VANGL1: variants seen among roughly 807,000 people sequenced by gnomAD.
VANGL1 encodes the protein VANGL planar cell polarity protein 1, also known as vang-like protein 1.
VANGL1 carries 18 observed loss-of-function variants against 48.4 expected under a neutral mutation model. The ratio of observed to expected loss-of-function variants is 0.37; its 90% CI spans 0.26 to 0.55. VANGL1 has a LOEUF of 0.55. Ranked by LOEUF, VANGL1 falls within the 20% of genes least tolerant of loss-of-function variation. The pLI, the probability that VANGL1 is intolerant of heterozygous loss-of-function variation, is 0.81. For synonymous variants in VANGL1, 257 were observed against 261.8 expected, an observed-to-expected ratio of 0.98 and a Z score of 0.18; for missense variants, 667 against 675.8, an observed-to-expected ratio of 0.99 and a Z score of 0.14.
In VANGL1 at chr1:115,695,310, C is replaced by T. The variant is rs1191604527; in HGVS notation, c.*3931C>T. The T allele has an allele frequency of 6.6e-6, 1 of 152,580 alleles. No individual in the cohort carries two copies. The highest frequency in any genetic ancestry group is 2.1e-4 in the South Asian group (1 of 4,826). The allele number at this position is 152,580 out of a possible 1,614,324, so 9.5% of individuals were successfully genotyped here. ...TAGCATATTTATTTAAATAGTCCTG[C>T]AGCAGAGACCCTGCGATTGTAAAGT... On this transcript the variant is annotated 3_prime_UTR_variant, in exon 8 of 8. Coordinates refer to ENST00000355485, the MANE Select transcript of VANGL1 (RefSeq NM_138959.3).
rs4839469 is a variant in VANGL1 at position 115,663,802 on chromosome 1, G to C, written c.346G>C (p.Ala116Pro). The change falls in exon 4 of 8, where the codon GCC (alanine) becomes CCC (proline). Residue 116 changes from alanine (A) to proline (P), a missense_variant. Transcript: ENST00000355485. The part of the protein sequence containing the change: ...DCKRYLGLTV[A>P]SFLGLLVFLT... ...CAAACGCTACCTGGGCCTCACCGTC[G>C]CCTCTTTTCTTGGACTTCTAGTTTT... 1 of 1,614,092 alleles carries C rather than the reference G, an allele frequency of 6.2e-7. No homozygotes were observed. The highest frequency in any genetic ancestry group is 1.1e-5 in the South Asian group (1 of 91,082).
chr1:115,678,482 C>T (rs1335813915), intron 4 of VANGL1, among the ~76,000 whole-genome samples: 1 of 152,184 alleles, frequency 6.6e-6, no homozygotes, highest in Admixed American at 6.5e-5. Context: ...AACAGCCTCA[C>T]CTATTCACAC....
intron 4 of VANGL1, among the ~76,000 whole-genome samples, chr1:115,680,525 G>A (rs1298213338): frequency 6.6e-6 from 1 of 152,182 alleles, no homozygotes; most frequent in African/African-American, 2.4e-5. Context: ...TGCAAAGTTG[G>A]TCTCACCGGA....
rs1406209364 is a variant in VANGL1 at position 115,694,544 on chromosome 1, T to C, written c.*3165T>C. On this transcript the variant is annotated 3_prime_UTR_variant, in exon 8 of 8. Coordinates refer to ENST00000355485, the MANE Select transcript of VANGL1 (RefSeq NM_138959.3). ...TGCCTCATAATCACTTTCGAGTGCA[T>C]GTATTTACCTAAGGGCTGTAGCTCT... 1.3e-5 allele frequency: 2 copies of C among 152,190 alleles called. No homozygotes were observed. The highest frequency in any genetic ancestry group is 2.9e-5 in the Non-Finnish European group (2 of 68,044). 9.4% of individuals were successfully genotyped at this position (152,190 alleles called of 1,614,324 possible).
At chr1:115,661,708 C>T (rs1652559021) in intron 3 of VANGL1, among the ~76,000 whole-genome samples, 1 of 152,132 alleles carries the variant, frequency 6.6e-6, no homozygotes, top group Non-Finnish European at 1.5e-5. Flanking sequence ...GCCTCTACCT[C>T]CCGGGTTCAA....
At position 115,683,798 on chromosome 1, in the gene VANGL1, C is replaced by T. The variant is rs999349640; in HGVS notation, c.947-146C>T. 7 of 1,062,822 alleles carry T rather than the reference C, an allele frequency of 6.6e-6. No homozygotes were observed. The African/African-American group carries it at 1.1e-4, about 17-fold the overall frequency. The allele number at this position is 1,062,822 out of a possible 1,614,324, so 65.8% of individuals were successfully genotyped here. A position where few individuals can be genotyped will look rare whatever the true frequency, so the allele number is the denominator to read the frequency against. On this transcript the variant is annotated intron_variant, in intron 5 of 7. Coordinates refer to ENST00000355485, the MANE Select transcript of VANGL1 (RefSeq NM_138959.3). ...AATGTGGAGCCGGGGCACAGTTCAC[C>T]CTCCTGGGAAGTGACCTTTAGGATT...
At chr1:115,676,991 G>A (rs998642907) in intron 4 of VANGL1, among the ~76,000 whole-genome samples, 2 of 152,256 alleles carry the variant, frequency 1.3e-5, no homozygotes, top group African/African-American at 4.8e-5. Context: ...GAATGAATGA[G>A]TGAGAGAGCC....
chr1:115,650,267 G>T (rs555218200), intron 1 of VANGL1, among the ~76,000 whole-genome samples: 15 of 152,162 alleles, frequency 9.9e-5, no homozygotes, highest in Admixed American at 3.3e-4. Flanking sequence ...GCTTCCAGCG[G>T]CTGGAAGAAG....
At chr1:115,654,354 C>T (rs554988927) in intron 2 of VANGL1, among the ~76,000 whole-genome samples, 207 of 151,850 alleles carry the variant, frequency 1.4e-3, no homozygotes, top group Non-Finnish European at 2.4e-3. Flanking sequence ...GGTCAGTGGC[C>T]TGGTTTTGCG....
chr1:115,685,691 A>G (rs1653581855), intron 7 of VANGL1, among the ~76,000 whole-genome samples, 164 bp downstream of exon 7: 1 of 152,178 alleles, frequency 6.6e-6, no homozygotes, highest in African/African-American at 2.4e-5. Context: ...ATGTTAGTAC[A>G]ATTGTTTTTT....
chr1:115,684,299 C>T (rs981673686), intron 6 of VANGL1, among the ~76,000 whole-genome samples: 17 of 151,918 alleles, frequency 1.1e-4, no homozygotes, highest in Admixed American at 8.5e-4. Flanking sequence ...CCACCACGCC[C>T]GGCTAATATT....
intron 5 of VANGL1, among the ~76,000 whole-genome samples, chr1:115,683,603 C>A (rs1653473329): frequency 6.6e-6 from 1 of 152,178 alleles, no homozygotes; most frequent in African/African-American, 2.4e-5. Context: ...TATGGCCAAA[C>A]TGAAACTTTA....
intron 3 of VANGL1, among the ~76,000 whole-genome samples, chr1:115,660,390 A>G (rs1652501173): frequency 6.6e-6 from 1 of 152,364 alleles, no homozygotes; most frequent in South Asian, 2.1e-4. Context: ...CCGCAGCTCC[A>G]GACACCTACT....
chr1:115,682,245 C>G, intron 4 of VANGL1, 119 bp from the exon 5 acceptor site: 3 of 1,396,396 alleles, frequency 2.1e-6, no homozygotes, highest in Non-Finnish European at 2.9e-6. Context: ...CAGTGGACTT[C>G]TGTATGAGAT....
chr1:115,684,026 G>C lies in VANGL1; in HGVS notation c.1029G>C (p.Leu343Phe). 1 of 1,614,164 alleles carries C rather than the reference G, an allele frequency of 6.2e-7. No individual in the cohort carries two copies. The highest frequency in any genetic ancestry group is 1.1e-5 in the South Asian group (1 of 91,080). ...ARRRDSSHNE[L>F]YYEEAEHERR... ...GCAGGGACTCAAGCCACAACGAGTT[G>C]TATTATGAAGAGGCCGAACATGAAC... is the stretch of plus-strand genomic sequence containing the variant. Residue 343 changes from leucine to phenylalanine, a missense_variant, in exon 6 of 8, where the codon TTG becomes TTC. Transcript: ENST00000355485.
intron 7 of VANGL1, 26 bp from the exon 8 acceptor site, chr1:115,691,093 T>TA: frequency 1.2e-6 from 2 of 1,614,116 alleles, no homozygotes; most frequent in Non-Finnish European, 1.7e-6. Context: ...GTTTCTTCCC[T>TA]AATGGCCTTT....
Position 115,663,898 on chromosome 1 carries a change from A to G in VANGL1, c.442A>G (p.Ile148Val). The G allele has an allele frequency of 1.2e-6, 2 of 1,614,146 alleles. No homozygotes were observed. The highest frequency in any genetic ancestry group is 1.3e-5 in the African/African-American group (1 of 75,018). ...GGATGAGCTGGAGCCTTGTGGCACA[A>G]TTTGTGAGGGGCTCTTTATCTCCAT... ...WRDELEPCGT[I>V]CEGLFISMAF... is the part of the protein sequence containing the mutation. The change falls in exon 4 of 8, where the codon ATT becomes GTT. Residue 148 changes from isoleucine to valine, a missense_variant. Physicochemically the swap from Ile to Val is conservative, Grantham distance 29 (BLOSUM62 3). Transcript: ENST00000355485.
intron 2 of VANGL1, among the ~76,000 whole-genome samples, chr1:115,658,882 C>CTGTGGGG (rs962654836): frequency 6.6e-6 from 1 of 152,088 alleles, no homozygotes; most frequent in African/African-American, 2.4e-5. Context: ...CAGGAAGTTC[C>CTGTGGGG]TGTGGGGTAA....
At chr1:115,675,738 C>T (rs558467681) in intron 4 of VANGL1, among the ~76,000 whole-genome samples, 34 of 152,250 alleles carry the variant, frequency 2.2e-4, no homozygotes, top group Non-Finnish European at 3.7e-4. Flanking sequence ...TTGCAGTGAG[C>T]TGAGATACGC....
Sources: gnomAD v4.1 joint callset for allele counts (sites outside exome capture counted in the v4.1 genomes callset) on GRCh38, gnomAD v4.1.1 for gene constraint, MANE v1.5 for transcripts, NCBI Gene and HGNC (gene_info 2026-07-23, HGNC 2026-07-21) for gene names.